Variants in AKAP17A observed in about 807,000 individuals in gnomAD.
AKAP17A encodes the protein A-kinase anchor protein 17A.
In AKAP17A, 15 loss-of-function variants were observed where a neutral mutation model predicts 52.2. That is an observed-to-expected ratio of 0.29 (90% CI 0.19 to 0.44). AKAP17A has a LOEUF of 0.44. AKAP17A is among the 20% of genes least tolerant of loss of function. The pLI, the probability that AKAP17A is intolerant of heterozygous loss-of-function variation, is 1.00. For synonymous variants in AKAP17A, 514 were observed against 424.7 expected, an observed-to-expected ratio of 1.21 and a Z score of -2.58; for missense variants, 1,060 against 1,007.0, an observed-to-expected ratio of 1.05 and a Z score of -0.71.
Position 1,599,185 on chromosome X carries a change from C to T in AKAP17A, c.912-7C>T, listed in dbSNP as rs1280795661. ...CTCTGTGACCACCCCCGGTGTGTTC[C>T]ACACAGGAAACAAAAGGAGCTGGAA... On this transcript the variant is annotated splice_region_variant and splice_polypyrimidine_tract_variant and intron_variant, in intron 3 of 4. Transcript: ENST00000313871. The T allele has an allele frequency of 6.2e-7, 1 of 1,611,308 alleles. No homozygotes were observed. The highest frequency in any genetic ancestry group is 1.1e-5 in the South Asian group (1 of 90,962).
At chrX:1,595,564 G>T in intron 3 of AKAP17A, 32 bp downstream of exon 3, 6 of 1,612,586 alleles carry the variant, frequency 3.7e-6, no homozygotes, top group Non-Finnish European at 4.2e-6. Flanking sequence ...CCTCGGCGCT[G>T]GTGTCCGGCA....
rs1453286317 is a variant in AKAP17A, at chrX:1,591,662, T to C, written c.-127T>C. ...CGTCGGAGGCGCCTCCGGGGGACGG[T>C]GGCGGCTCCCGGCGGTGAGGCCGCG... On this transcript the variant is annotated 5_prime_UTR_variant, in exon 1 of 5. Coordinates refer to ENST00000313871, the MANE Select transcript of AKAP17A (RefSeq NM_005088.3). 6.6e-6 allele frequency: 1 copy of C among 151,504 alleles called. No individual in the cohort carries two copies. Among genetic ancestry groups the C allele is most frequent in the Admixed American group, 6.6e-5 (1 of 15,184 alleles). 9.4% of individuals were successfully genotyped at this position (151,504 alleles called of 1,614,324 possible). A position where few individuals can be genotyped will look rare whatever the true frequency, so the allele number is the denominator to read the frequency against.
At chrX:1,596,050 G>A (rs1322800780) in intron 3 of AKAP17A, among the ~76,000 whole-genome samples, 20 of 151,958 alleles carry the variant, frequency 1.3e-4, no homozygotes, top group Non-Finnish European at 2.8e-4. Context: ...GGTCTGACAC[G>A]ATCTCTGCCG....
At position 1,602,199 on chromosome X, in the gene AKAP17A, A is replaced by C. The variant is rs1205321856; in HGVS notation, c.*605A>C. On this transcript the variant is annotated 3_prime_UTR_variant, in exon 5 of 5. Coordinates refer to ENST00000313871, the MANE Select transcript of AKAP17A (RefSeq NM_005088.3). Reference sequence around the variant, plus strand: ...AAGGTGTCGGTATGTGGGGAGTGGTACAAAATGGTCTGATGCTCCTTCAAA... The same window carrying C: ...AAGGTGTCGGTATGTGGGGAGTGGTCCAAAATGGTCTGATGCTCCTTCAAA... The C allele has an allele frequency of 6.6e-6, 1 of 152,438 alleles. No individual in the cohort carries two copies. The highest frequency in any genetic ancestry group is 6.6e-5 in the Admixed American group (1 of 15,264). The allele number at this position is 152,438 out of a possible 1,614,324, so 9.4% of individuals were successfully genotyped here.
In AKAP17A at chrX:1,599,217, G is replaced by C. The variant is rs1478665007; in HGVS notation, c.937G>C (p.Glu313Gln). The C allele has an allele frequency of 3.7e-6, 6 of 1,612,384 alleles. No individual in the cohort carries two copies. Among genetic ancestry groups the C allele is most frequent in the Admixed American group, 1.7e-5 (1 of 59,980 alleles). ...ERKQKELEEL[E>Q]RERKREEKLR... is the part of the protein sequence containing the mutation. Reference sequence around the variant, plus strand: ...GAAACAAAAGGAGCTGGAAGAGCTGGAGCGAGAGAGGAAAAGAGAAGAGAA... The same window carrying C: ...GAAACAAAAGGAGCTGGAAGAGCTGCAGCGAGAGAGGAAAAGAGAAGAGAA... Residue 313 changes from glutamate to glutamine, a missense_variant, in exon 4 of 5, where the codon GAG becomes CAG. Transcript: ENST00000313871.
intron 3 of AKAP17A, 124 bp downstream of exon 3, chrX:1,595,656 GT>G: frequency 6.8e-7 from 1 of 1,462,258 alleles, no homozygotes; most frequent in Non-Finnish European, 9.4e-7. Flanking sequence ...TTGTGAGCTT[GT>G]GTGTGTACCT....
At chrX:1,598,706 G>C (rs768854843) in intron 3 of AKAP17A, among the ~76,000 whole-genome samples, 4 of 152,266 alleles carry the variant, frequency 2.6e-5, no homozygotes, top group Admixed American at 1.3e-4. Flanking sequence ...GGTTGGATTT[G>C]TTTAGAGAGA....
At chrX:1,596,995 G>A (rs1333486403) in intron 3 of AKAP17A, among the ~76,000 whole-genome samples, 2 of 151,442 alleles carry the variant, frequency 1.3e-5, no homozygotes, top group South Asian at 2.1e-4. Flanking sequence ...CGTCCTGCAC[G>A]TCTGTTGCGC....
rs1933375016 is a variant in AKAP17A, at chrX:1,601,426, C to T, written c.1920C>T (p.Ser640=). The part of the protein sequence containing the change: ...KDDSPRRRST[S]PDHTRSRRSH... ...ACAGCCCCCGCCGGCGCAGCACGAGCCCGGACCACACCCGGTCCCGGAGGT... is the reference window on the plus strand; with the variant it reads ...ACAGCCCCCGCCGGCGCAGCACGAGTCCGGACCACACCCGGTCCCGGAGGT... The change falls in exon 5 of 5, where the codon AGC becomes AGT. Residue 640 remains serine, a synonymous_variant. Coordinates refer to ENST00000313871, the MANE Select transcript of AKAP17A (RefSeq NM_005088.3). The T allele has an allele frequency of 1.9e-6, 3 of 1,571,302 alleles. No individual in the cohort carries two copies. The highest frequency in any genetic ancestry group is 1.1e-5 in the South Asian group (1 of 88,358).
Position 1,600,663 on chromosome X carries a change from T to C in AKAP17A, c.1157T>C (p.Val386Ala). 1 of 1,537,622 alleles carries C rather than the reference T, an allele frequency of 6.5e-7. No homozygotes were observed. Among genetic ancestry groups the C allele is most frequent in the Admixed American group, 2.0e-5 (1 of 50,582 alleles). The change falls in exon 5 of 5, where the codon GTG becomes GCG. Residue 386 changes from valine to alanine, a missense_variant. Physicochemically the swap from Val to Ala is moderately conservative, Grantham distance 64. This residue lies in a region of AKAP17A where 793 missense variants were observed against 629.9 expected (regional missense o/e 1.26). Coordinates refer to ENST00000313871, the MANE Select transcript of AKAP17A (RefSeq NM_005088.3). ...IAELLSRAKA[V>A]KLREQEQKEE... ...GCACTTTCCTCTTCCCCGCAGGCTG[T>C]GAAGCTACGGGAACAGGAGCAGAAG...
At chrX:1,595,308 C>T in intron 2 of AKAP17A, 76 bp from the exon 3 acceptor site, 1 of 1,596,926 alleles carries the variant, frequency 6.3e-7, no homozygotes, top group East Asian at 2.2e-5. Flanking sequence ...GGCCCTACGG[C>T]CCAGGAGAGG....
Position 1,600,743 on chromosome X carries a change from G to C in AKAP17A, c.1237G>C (p.Glu413Gln). The change falls in exon 5 of 5, where the codon GAG becomes CAG. Residue 413 changes from glutamate to glutamine, a missense_variant. Transcript: ENST00000313871. ...QEERRRLQEA[E>Q]LRRVEEEKER... is the part of the protein sequence containing the mutation. The stretch of plus-strand genomic sequence containing the variant: ...GGAGCGGCGGCGGCTGCAGGAGGCC[G>C]AGCTGCGGCGCGTGGAGGAGGAGAA... The C allele has an allele frequency of 6.4e-7, 1 of 1,551,336 alleles. No individual in the cohort carries two copies. Among genetic ancestry groups the C allele is most frequent in the Non-Finnish European group, 8.7e-7 (1 of 1,151,612 alleles).
chrX:1,598,344 C>T (rs1411054252), intron 3 of AKAP17A, among the ~76,000 whole-genome samples: 9 of 152,140 alleles, frequency 5.9e-5, no homozygotes, highest in East Asian at 1.9e-4. Context: ...CCTTTTCTCC[C>T]GGCCTGCTCC....
chrX:1,601,067 C>G lies in AKAP17A; in HGVS notation c.1561C>G (p.Pro521Ala). ...SVNGSVAEEAPCKEVQSSCRV... is the reference protein window; with the variant it reads ...SVNGSVAEEAACKEVQSSCRV... ...GAACGGGAGCGTGGCCGAGGAGGCC[C>G]CATGCAAGGAGGTTCAGAGCTCCTG... The change falls in exon 5 of 5, where the codon CCA (proline) becomes GCA (alanine). Residue 521 changes from proline (P) to alanine (A), a missense_variant. By Grantham distance (27) the Pro-to-Ala change is conservative. Transcript: ENST00000313871. The G allele has an allele frequency of 6.2e-7, 1 of 1,613,564 alleles. No individual in the cohort carries two copies. Among genetic ancestry groups the G allele is most frequent in the Non-Finnish European group, 8.5e-7 (1 of 1,179,778 alleles).
In AKAP17A at chrX:1,593,687, C is replaced by T. The variant is rs755998012; in HGVS notation, c.225C>T (p.Asp75=). Residue 75 remains aspartate, a synonymous_variant, in exon 2 of 5, where the codon GAC becomes GAT. Transcript: ENST00000313871. ...STLRISKSTM[D]FIRFEGEVEN... ...TGCGTATTTCCAAGAGCACCATGGACTTCATCCGCTTCGAGGGGGAGGTGG... is the reference window on the plus strand; with the variant it reads ...TGCGTATTTCCAAGAGCACCATGGATTTCATCCGCTTCGAGGGGGAGGTGG... The T allele has an allele frequency of 8.7e-6, 14 of 1,613,994 alleles. No homozygotes were observed. Among genetic ancestry groups the T allele is most frequent in the Non-Finnish European group, 1.2e-5 (14 of 1,179,882 alleles).
chrX:1,594,044 C>A lies in AKAP17A; in HGVS notation c.582C>A (p.Pro194=). Residue 194 remains proline (P), a synonymous_variant, in exon 2 of 5, where the codon CCC becomes CCA. Coordinates refer to ENST00000313871, the MANE Select transcript of AKAP17A (RefSeq NM_005088.3). ...IRNVDIPMLD[P]YREEMTGRNF... ...ATGTGGACATCCCCATGCTGGACCC[C>A]TACCGGGAGGAGATGACGGGCCGCA... 2 of 1,612,218 alleles carry A rather than the reference C, an allele frequency of 1.2e-6. No individual in the cohort carries two copies. Among genetic ancestry groups the A allele is most frequent in the South Asian group, 2.2e-5 (2 of 90,866 alleles).
intron 4 of AKAP17A, 139 bp from the exon 5 acceptor site, chrX:1,600,520 C>A (rs1933301414): frequency 1.1e-6 from 1 of 904,568 alleles, no homozygotes; most frequent in Non-Finnish European, 1.6e-6. Flanking sequence ...ACGCCCCCCA[C>A]CCCTGGGCTG....
chrX:1,592,241 G>A (rs1410884005), intron 1 of AKAP17A, among the ~76,000 whole-genome samples: 2 of 151,898 alleles, frequency 1.3e-5, no homozygotes, highest in African/African-American at 2.4e-5. Flanking sequence ...CAGGAGGGTG[G>A]TGGGGAGCGG....
At position 1,601,468 on chromosome X, in the gene AKAP17A, G is replaced by A. The variant is rs778631450; in HGVS notation, c.1962G>A (p.Arg654=). 1 of 1,571,914 alleles carries A rather than the reference G, an allele frequency of 6.4e-7. No homozygotes were observed. The highest frequency in any genetic ancestry group is 8.6e-7 in the Non-Finnish European group (1 of 1,166,992). The part of the protein sequence containing the change: ...TRSRRSHSKD[R]HRRERSRERR... ...CCCGGAGGTCCCACAGCAAAGACAG[G>A]CACCGGAGGGAGCGGAGCCGGGAGC... Residue 654 remains arginine, a synonymous_variant, in exon 5 of 5, where the codon AGG becomes AGA. Coordinates refer to ENST00000313871, the MANE Select transcript of AKAP17A (RefSeq NM_005088.3).
Sources: allele counts gnomAD v4.1 joint callset (sites outside exome capture counted in the v4.1 genomes callset), GRCh38; gene constraint gnomAD v4.1.1; regional missense constraint gnomAD v4.1.1; transcripts MANE v1.5; gene names NCBI Gene and HGNC (gene_info 2026-07-23, HGNC 2026-07-21).